Variants in GSK3B observed in about 807,000 individuals in gnomAD.
The protein encoded by GSK3B is glycogen synthase kinase 3 beta, also known as glycogen synthase kinase-3 beta.
GSK3B carries 15 observed loss-of-function variants against 56.4 expected under a neutral mutation model. The observed-to-expected ratio is 0.27, with a 90% confidence interval of 0.18 to 0.41. The LOEUF is 0.41. GSK3B is among the 10% of genes least tolerant of loss of function. The pLI is 1.00. For missense variants in GSK3B, 300 were observed against 513.4 expected, an observed-to-expected ratio of 0.58 and a Z score of 4.02; for synonymous variants, 181 against 188.9, an observed-to-expected ratio of 0.96 and a Z score of 0.34.
chr3:119,914,216 TAAG>T (rs953473455), intron 5 of GSK3B, among the ~76,000 whole-genome samples: 5 of 151,902 alleles, frequency 3.3e-5, no homozygotes, highest in East Asian at 3.9e-4. Context: ...AGTAAAAAAA[TAAG>T]AAGAAAGTAA....
intron 8 of GSK3B, among the ~76,000 whole-genome samples, chr3:119,874,465 G>A (rs981108954): frequency 2.0e-5 from 3 of 151,816 alleles, no homozygotes; most frequent in African/African-American, 2.4e-5. Context: ...CTACATCACC[G>A]ATTTCAGACA....
At position 119,944,998 on chromosome 3, in the gene GSK3B, C is replaced by T. The variant is rs568447616; in HGVS notation, c.366+2270G>A. On this transcript the variant is annotated intron_variant, in intron 3 of 10. Transcript: ENST00000264235. ...GAAAATAACTAACCTGAGCACTCAA[C>T]CCTAGAAAAGAATCCATCTTCTCCT... Among the ~76,000 whole-genome samples, 75 of 152,262 alleles carry T rather than the reference C, an allele frequency of 4.9e-4. 1 individual carries two copies. In the Middle Eastern group the frequency reaches 0.054, roughly 110 times the overall value.
chr3:119,999,271 T>TGTGAGAGAAAGAGAGAAGGG (rs2057652808), intron 2 of GSK3B, among the ~76,000 whole-genome samples: 1 of 152,152 alleles, frequency 6.6e-6, no homozygotes, highest in African/African-American at 2.4e-5. Flanking sequence ...GGATGAATAC[T>TGTGAGAGAAAGAGAGAAGGG]GTGAGAGAAA....
intron 2 of GSK3B, among the ~76,000 whole-genome samples, chr3:119,954,297 T>TAGAAA (rs1175431863): frequency 1.1e-5 from 1 of 89,814 alleles, no homozygotes; most frequent in African/African-American, 4.2e-5. Context: ...TAGAATAGAA[T>TAGAAA]AGAATAGAAA....
chr3:119,905,985 GAA>G (rs1165441550), intron 6 of GSK3B, 133 bp from the exon 7 acceptor site: 1 of 592,012 alleles, frequency 1.7e-6, no homozygotes, highest in African/African-American at 1.8e-5. Context: ...CCAAAACAGA[GAA>G]AAAGTCATCA....
chr3:119,854,820 A>G lies in GSK3B; in HGVS notation c.1096+8599T>C, dbSNP rs557940453. On this transcript the variant is annotated intron_variant, in intron 9 of 10. Coordinates refer to ENST00000264235, the MANE Select transcript of GSK3B (RefSeq NM_001146156.2). ...TCGATTCTTCTCTCTTTTCTTCTTT[A>G]TTAGCCTTGCTGGCGGTCTATCAAT... Among the ~76,000 whole-genome samples, 23 of 151,856 alleles carry G rather than the reference A, an allele frequency of 1.5e-4. No homozygotes were observed. In the South Asian group the frequency reaches 3.1e-3, roughly 21 times the overall value.
chr3:120,062,569 G>A (rs1344687442), intron 1 of GSK3B, among the ~76,000 whole-genome samples: 1 of 152,138 alleles, frequency 6.6e-6, no homozygotes. Context: ...ATACTGACAA[G>A]TGAAAAAAGA....
chr3:119,828,349 TGTC>T (rs1315109941), intron 10 of GSK3B, among the ~76,000 whole-genome samples: 1 of 152,194 alleles, frequency 6.6e-6, no homozygotes, highest in African/African-American at 2.4e-5. Context: ...GTTGCATCCT[TGTC>T]ATCTCTCTTA....
rs1030492613 is a variant in GSK3B, at chr3:119,922,434, C to T, written c.477+939G>A. The stretch of plus-strand genomic sequence containing the variant: ...ATATATAGTTTATATATTATATATA[C>T]AATATATAGTGTATATTATATATAC... On this transcript the variant is annotated intron_variant, in intron 4 of 10. Transcript: ENST00000264235. Among the ~76,000 whole-genome samples the T allele has an allele frequency of 2.5e-4, 36 of 146,814 alleles. 1 individual carries two copies. Among genetic ancestry groups the T allele is most frequent in the African/African-American group, 7.7e-4 (31 of 40,326 alleles).
chr3:120,045,633 C>T (rs115626827), intron 1 of GSK3B, among the ~76,000 whole-genome samples: 1,662 of 152,306 alleles, frequency 0.011, 27 homozygotes, highest in African/African-American at 0.033. Flanking sequence ...TCCTTTGTTC[C>T]CTGTGCTCTC....
intron 2 of GSK3B, among the ~76,000 whole-genome samples, chr3:119,956,824 A>T (rs1472659662): frequency 6.6e-6 from 1 of 152,198 alleles, no homozygotes; most frequent in East Asian, 1.9e-4. Flanking sequence ...CTAAGAGATG[A>T]GCCACAAAAA....
intron 1 of GSK3B, among the ~76,000 whole-genome samples, chr3:120,039,136 C>T (rs1380663967): frequency 6.6e-6 from 1 of 152,134 alleles, no homozygotes; most frequent in Non-Finnish European, 1.5e-5. Flanking sequence ...AAAACAATGC[C>T]ATACCATTAT....
intron 1 of GSK3B, among the ~76,000 whole-genome samples, chr3:120,006,796 C>T (rs1253065851): frequency 6.6e-6 from 1 of 151,976 alleles, no homozygotes; most frequent in Non-Finnish European, 1.5e-5. Context: ...GCACTAAATG[C>T]CCACAAGAGA....
Position 119,823,032 on chromosome 3 carries a change from T to C in GSK3B, c.*3756A>G. 1 of 229,952 alleles carries C rather than the reference T, an allele frequency of 4.3e-6. No homozygotes were observed. Among genetic ancestry groups the C allele is most frequent in the Non-Finnish European group, 8.6e-6 (1 of 115,994 alleles). The allele number at this position is 229,952 out of a possible 1,614,324, so 14.2% of individuals were successfully genotyped here. A position where few individuals can be genotyped will look rare whatever the true frequency, so the allele number is the denominator to read the frequency against. On this transcript the variant is annotated 3_prime_UTR_variant, in exon 11 of 11. Transcript: ENST00000264235. Reference sequence around the variant, plus strand: ...TTAAAACATAAACCAAAAATGTGTCTAAAAATTAAGAGGACTTAAAAAAAA... The same window carrying C: ...TTAAAACATAAACCAAAAATGTGTCCAAAAATTAAGAGGACTTAAAAAAAA...
At chr3:119,885,898 T>G (rs1005897896) in intron 7 of GSK3B, among the ~76,000 whole-genome samples, 1 of 152,054 alleles carries the variant, frequency 6.6e-6, no homozygotes, top group Non-Finnish European at 1.5e-5. Context: ...AAAAAGTGAC[T>G]CAAGATGGAC....
intron 3 of GSK3B, among the ~76,000 whole-genome samples, chr3:119,940,793 T>A (rs1351432280): frequency 6.6e-6 from 1 of 152,158 alleles, no homozygotes; most frequent in Non-Finnish European, 1.5e-5. Context: ...AAGAGTCACA[T>A]ACTTCCTGCA....
chr3:120,029,261 G>C, intron 1 of GSK3B: 1 of 725,620 alleles, frequency 1.4e-6, no homozygotes, highest in Non-Finnish European at 2.6e-6. Context: ...AGCTGCAAAT[G>C]AATGTCTTTG....
intron 3 of GSK3B, among the ~76,000 whole-genome samples, chr3:119,928,464 G>A (rs1329401895): frequency 6.6e-6 from 1 of 151,762 alleles, no homozygotes; most frequent in Non-Finnish European, 1.5e-5. Context: ...AATTAGCCGG[G>A]CATGGTGGCA....
chr3:120,029,528 AG>A, intron 1 of GSK3B: 1 of 625,572 alleles, frequency 1.6e-6, no homozygotes, highest in South Asian at 1.5e-5. Context: ...AAGTTGCCAC[AG>A]GAAGATAGGG....
Sources: gnomAD v4.1 joint callset for allele counts (sites outside exome capture counted in the v4.1 genomes callset) on GRCh38, gnomAD v4.1.1 for gene constraint, MANE v1.5 for transcripts, NCBI Gene and HGNC (gene_info 2026-07-23, HGNC 2026-07-21) for gene names.